The following PDIA6 variants were observed in gnomAD, a reference collection of about 807,000 sequenced individuals.
PDIA6 encodes protein disulfide isomerase family A member 6, also known as protein disulfide-isomerase A6.
In PDIA6, 29 loss-of-function variants were observed where a neutral mutation model predicts 58.4. The ratio of observed to expected loss-of-function variants is 0.50; its 90% CI spans 0.37 to 0.68. PDIA6 has a LOEUF of 0.68. Ranked by LOEUF, PDIA6 falls within the 30% of genes least tolerant of loss-of-function variation. The pLI, the probability that PDIA6 is intolerant of heterozygous loss-of-function variation, is 0.00. For synonymous variants in PDIA6, 192 were observed against 202.6 expected (o/e 0.95, Z 0.44); for missense variants, 480 against 551.0 (o/e 0.87, Z 1.29).
rs532633731 is a variant in PDIA6, at chr2:10,787,042, G to A, written c.1157+239C>T. On this transcript the variant is annotated intron_variant, in intron 11 of 12. Transcript: ENST00000272227. The stretch of plus-strand genomic sequence containing the variant: ...GCCAGATGCACAGAATGGCACACAG[G>A]GCGGCCCGAGGGTAGCAATGCTTTC... 2.0e-5 allele frequency among the ~76,000 whole-genome samples: 3 copies of A among 152,198 alleles called. No homozygotes were observed. The East Asian group carries it at 5.8e-4, about 29-fold the overall frequency.
chr2:10,804,057 T>C (rs573098087), intron 1 of PDIA6, among the ~76,000 whole-genome samples: 4 of 151,838 alleles, frequency 2.6e-5, no homozygotes, highest in Admixed American at 6.6e-5. Flanking sequence ...TACAGGCGCC[T>C]GCCACCACGC....
chr2:10,818,525 TA>T (rs1558460401), intron 2 of PDIA6, among the ~76,000 whole-genome samples: 11 of 118,924 alleles, frequency 9.2e-5, no homozygotes, highest in Non-Finnish European at 1.9e-4. Context: ...TTTATTTATT[TA>T]TTTATTTATT....
At chr2:10,794,448 G>GA (rs35863261) in intron 4 of PDIA6, among the ~76,000 whole-genome samples, 6,516 of 60,206 alleles carry the variant, frequency 0.11, 649 homozygotes, top group African/African-American at 0.28. Flanking sequence ...TCTGTGTCAA[G>GA]AAAAAAAAAA....
intron 1 of PDIA6, among the ~76,000 whole-genome samples, chr2:10,829,082 G>A (rs142585429): frequency 7.9e-5 from 12 of 152,158 alleles, no homozygotes; most frequent in African/African-American, 1.7e-4. Context: ...ACAGGTCTTC[G>A]TGCCCTTCTC....
upstream of PDIA6, among the ~76,000 whole-genome samples, chr2:10,813,015 G>T (rs1337614825): frequency 1.3e-5 from 2 of 152,012 alleles, no homozygotes; most frequent in African/African-American, 4.8e-5. Flanking sequence ...GGCTCGCACC[G>T]CCTCAGCTCC....
intron 11 of PDIA6, among the ~76,000 whole-genome samples, chr2:10,787,000 A>G (rs1227675352): frequency 6.6e-6 from 1 of 152,192 alleles, no homozygotes; most frequent in Non-Finnish European, 1.5e-5. Context: ...CTTTATGAGA[A>G]TGAGAAAGAG....
chr2:10,829,624 A>G (rs1179780243), intron 1 of PDIA6, among the ~76,000 whole-genome samples: 2 of 152,204 alleles, frequency 1.3e-5, no homozygotes, highest in Non-Finnish European at 2.9e-5. Flanking sequence ...CCTAAGTGGC[A>G]TGTTCTCCTC....
intron 1 of PDIA6, among the ~76,000 whole-genome samples, chr2:10,808,366 G>T (rs1666848994): frequency 6.6e-6 from 1 of 152,204 alleles, no homozygotes; most frequent in Non-Finnish European, 1.5e-5. Flanking sequence ...CAGTTGTGGT[G>T]GAGTGAAAAT....
At chr2:10,826,294 G>T (rs1667553061) in intron 1 of PDIA6, among the ~76,000 whole-genome samples, 1 of 152,166 alleles carries the variant, frequency 6.6e-6, no homozygotes, top group African/African-American at 2.4e-5. Context: ...TAGGTTTGTG[G>T]CTGTCTAGGG....
At chr2:10,798,509 A>G (rs920739222) in intron 2 of PDIA6, among the ~76,000 whole-genome samples, 5 of 148,760 alleles carry the variant, frequency 3.4e-5, no homozygotes, top group African/African-American at 1.2e-4. Flanking sequence ...CGGAGGTTGC[A>G]GTGAGCTGAG....
intron 1 of PDIA6, among the ~76,000 whole-genome samples, chr2:10,803,911 G>GTGTTTTTTTTTT (rs1666620761): frequency 3.4e-5 from 4 of 117,892 alleles, no homozygotes; most frequent in South Asian, 6.3e-4. Context: ...TAGTTTTTGT[G>GTGTTTTTTTTTT]TTTTTTTTTT....
intron 4 of PDIA6, 70 bp from the exon 5 acceptor site, chr2:10,793,272 G>T: frequency 9.9e-7 from 1 of 1,013,048 alleles, no homozygotes; most frequent in Non-Finnish European, 1.6e-6. Context: ...CCCGGCCCAA[G>T]ACTGTGTCTT....
intron 1 of PDIA6, among the ~76,000 whole-genome samples, chr2:10,819,634 AC>A (rs1667323197): frequency 1.3e-5 from 2 of 152,184 alleles, no homozygotes; most frequent in African/African-American, 2.4e-5. Flanking sequence ...TTGATTTCCA[AC>A]CCAGGGCCTT....
chr2:10,815,258 A>G (rs1048167739), upstream of PDIA6, among the ~76,000 whole-genome samples: 2 of 152,168 alleles, frequency 1.3e-5, no homozygotes, highest in Non-Finnish European at 2.9e-5. Flanking sequence ...CATTAAAACC[A>G]AATGCACATT....
intron 1 of PDIA6, chr2:10,819,362 TGA>T: frequency 6.7e-7 from 1 of 1,495,964 alleles, no homozygotes; most frequent in East Asian, 2.5e-5. Context: ...AGCCTGAAAG[TGA>T]GAGAGAAGAG....
In PDIA6 at chr2:10,797,773, A is replaced by G; in HGVS notation, c.162-16T>C. 6.3e-7 allele frequency: 1 copy of G among 1,590,892 alleles called. No homozygotes were observed. The highest frequency in any genetic ancestry group is 8.5e-7 in the Non-Finnish European group (1 of 1,169,670). On this transcript the variant is annotated splice_polypyrimidine_tract_variant and intron_variant, in intron 2 of 12. Transcript: ENST00000272227. ...GTGACCACACCTTTTGGGGGAAGACAACACAAAGCAACCATTAAAGCCTTT... is the reference window on the plus strand; with the variant it reads ...GTGACCACACCTTTTGGGGGAAGACGACACAAAGCAACCATTAAAGCCTTT...
chr2:10,821,699 G>C (rs961637303), intron 1 of PDIA6, among the ~76,000 whole-genome samples: 5 of 151,586 alleles, frequency 3.3e-5, no homozygotes, highest in African/African-American at 1.2e-4. Flanking sequence ...GTTATGGCTT[G>C]CTGCAGCCTT....
At position 10,783,451 on chromosome 2, in the gene PDIA6, G is replaced by A. The variant is rs1255849980; in HGVS notation, c.*807C>T. ...TAAAATGCTCTCAAGTCCTTTGAATGTTCCAACAAATTCAAAACTTCATTT... is the reference window on the plus strand; with the variant it reads ...TAAAATGCTCTCAAGTCCTTTGAATATTCCAACAAATTCAAAACTTCATTT... On this transcript the variant is annotated 3_prime_UTR_variant, in exon 13 of 13. Transcript: ENST00000272227. 2 of 499,830 alleles carry A rather than the reference G, an allele frequency of 4.0e-6. No homozygotes were observed. The highest frequency in any genetic ancestry group is 2.6e-5 in the South Asian group (1 of 37,738). 31.0% of individuals were successfully genotyped at this position (499,830 alleles called of 1,614,324 possible). A position where few individuals can be genotyped will look rare whatever the true frequency, so the allele number is the denominator to read the frequency against.
Position 10,793,169 on chromosome 2 carries a change from G to T in PDIA6, c.380C>A (p.Ala127Glu). ...GRTGEAIVDA[A>E]LSALRQLVKD... is the part of the protein sequence containing the mutation. Reference sequence around the variant, plus strand: ...CACGAGCTGGCGCAGAGCACTCAGCGCAGCATCTACAATGGCTTCACCAGT... The same window carrying T: ...CACGAGCTGGCGCAGAGCACTCAGCTCAGCATCTACAATGGCTTCACCAGT... The change falls in exon 5 of 13, where the codon GCG (alanine) becomes GAG (glutamate). Residue 127 changes from alanine to glutamate, a missense_variant. By Grantham distance (107) the Ala-to-Glu change is moderately radical (BLOSUM62 -1). Coordinates refer to ENST00000272227, the MANE Select transcript of PDIA6 (RefSeq NM_005742.4). 1 of 1,614,006 alleles carries T rather than the reference G, an allele frequency of 6.2e-7. No individual in the cohort carries two copies.
Sources: allele counts gnomAD v4.1 joint callset (sites outside exome capture counted in the v4.1 genomes callset), GRCh38; gene constraint gnomAD v4.1.1; transcripts MANE v1.5; gene names NCBI Gene and HGNC (gene_info 2026-07-23, HGNC 2026-07-21).